Variants in SP4 observed in about 807,000 individuals in gnomAD.
SP4 encodes the protein Sp4 transcription factor.
A neutral mutation model predicts 72.8 loss-of-function variants in SP4; 19 were observed. The observed-to-expected ratio is 0.26, with a 90% CI of 0.18 to 0.38. The LOEUF (loss-of-function observed/expected upper bound fraction) is 0.38, where lower values mean the gene tolerates loss of function less well. Among genes scored for constraint, SP4 ranks in the 10% least tolerant of loss-of-function variants. The probability of loss-of-function intolerance (pLI) is 1.00; values close to 1 mark genes in which losing one functional copy is unlikely to be tolerated. For missense variants in SP4, 1,008 were observed against 926.3 expected (o/e 1.09, Z -1.14); for synonymous variants, 395 against 333.1 (o/e 1.19, Z -2.02).
rs1562578012 is a variant in SP4, at chr7:21,429,229, C to T, written c.124-60C>T. ...TAACCCCCTGGCAACTACTGGCCTC[C>T]ACTAAATCCGCCCACTTTTTTTCCC... On this transcript the variant is annotated intron_variant, in intron 2 of 5. Coordinates refer to ENST00000222584, the MANE Select transcript of SP4 (RefSeq NM_003112.5). 4.1e-5 allele frequency: 39 copies of T among 946,980 alleles called. No homozygotes were observed. In the East Asian group the frequency reaches 9.7e-4, roughly 23 times the overall value. The allele number at this position is 946,980 out of a possible 1,614,324, so 58.7% of individuals were successfully genotyped here.
intron 3 of SP4, among the ~76,000 whole-genome samples, chr7:21,431,051 A>T (rs1271231483): frequency 6.6e-6 from 1 of 152,206 alleles, no homozygotes; most frequent in Non-Finnish European, 1.5e-5. Context: ...ATAATGTGTT[A>T]AATTTGTTAG....
chr7:21,473,896 G>C (rs2282897), intron 3 of SP4, among the ~76,000 whole-genome samples: 1 of 152,142 alleles, frequency 6.6e-6, no homozygotes, highest in Admixed American at 6.5e-5. Context: ...GTGGGGCCTC[G>C]GAGGTCTTGC....
At chr7:21,501,396 T>C (rs1781859568) in intron 5 of SP4, among the ~76,000 whole-genome samples, 1 of 152,258 alleles carries the variant, frequency 6.6e-6, no homozygotes. Flanking sequence ...TAAATCCTTT[T>C]TGTCCTTGAA....
At chr7:21,435,809 G>A (rs138261174) in intron 3 of SP4, among the ~76,000 whole-genome samples, 1 of 151,224 alleles carries the variant, frequency 6.6e-6, no homozygotes, top group East Asian at 1.9e-4. Flanking sequence ...AAGATGAAAA[G>A]TACTCAAAGT....
Position 21,429,537 on chromosome 7 carries a change from G to A in SP4, c.372G>A (p.Ser124=), listed in dbSNP as rs144206402. 68 of 1,613,984 alleles carry A rather than the reference G, an allele frequency of 4.2e-5. No individual in the cohort carries two copies. The highest frequency in any genetic ancestry group is 2.7e-4 in the African/African-American group (20 of 74,908). The change falls in exon 3 of 6, where the codon TCG becomes TCA. Residue 124 remains serine (S), a synonymous_variant. Transcript: ENST00000222584. ...ACGTTTCTCAACCAGCCTCTAGTTCGTCTAGTTCTTCCAGCAGTAATAACG... is the reference window on the plus strand; with the variant it reads ...ACGTTTCTCAACCAGCCTCTAGTTCATCTAGTTCTTCCAGCAGTAATAACG... ...ENNVSQPASS[S]SSSSSSNNGS... is the part of the protein sequence containing the mutation.
chr7:21,511,235 C>T lies in SP4; in HGVS notation c.2321C>T (p.Thr774Ile). 6.2e-7 allele frequency: 1 copy of T among 1,614,134 alleles called. No individual in the cohort carries two copies. Among genetic ancestry groups the T allele is most frequent in the Non-Finnish European group, 8.5e-7 (1 of 1,179,994 alleles). ...AAISQDSNPATPNVSTNMEEF is the reference protein window; with the variant it reads ...AAISQDSNPAIPNVSTNMEEF ...ATTTCTCAAGATTCGAATCCAGCAA[C>T]TCCCAATGTTTCAACCAACATGGAA... is the stretch of plus-strand genomic sequence containing the variant. Residue 774 changes from threonine to isoleucine, a missense_variant, in exon 6 of 6, where the codon ACT becomes ATT. By Grantham distance (89) the Thr-to-Ile change is moderately conservative. Coordinates refer to ENST00000222584, the MANE Select transcript of SP4 (RefSeq NM_003112.5).
chr7:21,505,013 C>A (rs372047021), intron 5 of SP4, among the ~76,000 whole-genome samples: 1 of 152,296 alleles, frequency 6.6e-6, no homozygotes, highest in East Asian at 1.9e-4. Context: ...GGACCAGGAC[C>A]GGGGCTGTAA....
At chr7:21,503,225 G>A (rs556797131) in intron 5 of SP4, among the ~76,000 whole-genome samples, 10 of 152,152 alleles carry the variant, frequency 6.6e-5, no homozygotes, top group Admixed American at 2.6e-4. Context: ...ACAGGGTGGA[G>A]TATATGGCCA....
At chr7:21,486,093 T>C (rs1784805408) in intron 5 of SP4, among the ~76,000 whole-genome samples, 1 of 152,052 alleles carries the variant, frequency 6.6e-6, no homozygotes, top group South Asian at 2.1e-4. Context: ...GTATTCTAGA[T>C]TGAAAATTAC....
At chr7:21,440,855 A>G (rs1183444940) in intron 3 of SP4, among the ~76,000 whole-genome samples, 1 of 53,962 alleles carries the variant, frequency 1.9e-5, no homozygotes, top group African/African-American at 1.3e-4. Flanking sequence ...GTCTCAAAAC[A>G]ACAACAACAA....
chr7:21,431,766 C>A (rs1047526031), intron 3 of SP4, among the ~76,000 whole-genome samples: 1 of 152,102 alleles, frequency 6.6e-6, no homozygotes, highest in Non-Finnish European at 1.5e-5. Flanking sequence ...TTGATGAAAA[C>A]CTCGTTGTGT....
intron 5 of SP4, among the ~76,000 whole-genome samples, chr7:21,487,759 ATGATGGTGGTGGTGGTGGTGGTGG>A: frequency 7.5e-6 from 1 of 132,894 alleles, no homozygotes; most frequent in South Asian, 2.7e-4. Flanking sequence ...GATGATGATG[ATGATGGTGGTGGTGGTGGTGGTGG>A]TGGTGGTGGT....
chr7:21,469,047 T>C (rs1049214418), intron 3 of SP4, among the ~76,000 whole-genome samples: 1 of 152,162 alleles, frequency 6.6e-6, no homozygotes, highest in Non-Finnish European at 1.5e-5. Flanking sequence ...CCCTTGGAAA[T>C]AATAAACAAT....
chr7:21,440,042 G>C (rs1171039690), intron 3 of SP4, among the ~76,000 whole-genome samples: 1 of 152,194 alleles, frequency 6.6e-6, no homozygotes, highest in Admixed American at 6.5e-5. Context: ...ACCTGTGCTT[G>C]ATCAGAGGTA....
At chr7:21,440,821 G>T (rs1783217455) in intron 3 of SP4, among the ~76,000 whole-genome samples, 1 of 152,146 alleles carries the variant, frequency 6.6e-6, no homozygotes, top group Admixed American at 6.5e-5. Context: ...CTGCACTTCA[G>T]TCTGGGCAAC....
intron 3 of SP4, among the ~76,000 whole-genome samples, chr7:21,475,660 T>C (rs1365157597): frequency 6.6e-6 from 1 of 152,070 alleles, no homozygotes; most frequent in Non-Finnish European, 1.5e-5. Flanking sequence ...AGGCTGGGTT[T>C]CACCATGTTA....
chr7:21,490,931 A>G (rs868222936), intron 5 of SP4, among the ~76,000 whole-genome samples: 1 of 152,258 alleles, frequency 6.6e-6, no homozygotes, highest in Admixed American at 6.5e-5. Flanking sequence ...AGTGCCTGCT[A>G]AAACAAAAAC....
chr7:21,495,496 A>T (rs187458506), intron 5 of SP4, among the ~76,000 whole-genome samples: 4 of 152,242 alleles, frequency 2.6e-5, no homozygotes, highest in Middle Eastern at 3.4e-3. Context: ...AAGATGTCTG[A>T]TATCATCTAT....
chr7:21,482,471 G>A (rs1409517657), intron 5 of SP4: 4 of 177,130 alleles, frequency 2.3e-5, no homozygotes, highest in Admixed American at 6.6e-5. Context: ...TTTCATTAGT[G>A]TGTTTTAGTT....
Sources: gnomAD v4.1 joint callset for allele counts (sites outside exome capture counted in the v4.1 genomes callset) on GRCh38, gnomAD v4.1.1 for gene constraint, MANE v1.5 for transcripts, NCBI Gene and HGNC (gene_info 2026-07-23, HGNC 2026-07-21) for gene names.